Variants in USH2A observed in about 807,000 individuals in gnomAD.
USH2A encodes usherin.
In USH2A, 443 loss-of-function variants were observed where a neutral mutation model predicts 538.9. The observed-to-expected ratio is 0.82, with a 90% CI of 0.76 to 0.89. USH2A has a LOEUF of 0.89. Among genes scored for constraint, USH2A ranks in the 40% least tolerant of loss-of-function variants. The pLI is 0.00. For missense variants in USH2A, 6,633 were observed against 6,324.8 expected (o/e 1.05, Z -1.65); for synonymous variants, 2,413 against 2,273.5 (o/e 1.06, Z -1.75).
intron 21 of USH2A, among the ~76,000 whole-genome samples, chr1:216,111,983 A>G (rs1391701628): frequency 6.6e-6 from 1 of 152,052 alleles, no homozygotes; most frequent in Non-Finnish European, 1.5e-5. Flanking sequence ...TTTAATTTAA[A>G]TTATGCAAAA....
chr1:215,733,510 T>G (rs1371238566), intron 60 of USH2A, among the ~76,000 whole-genome samples: 1 of 152,232 alleles, frequency 6.6e-6, no homozygotes, highest in African/African-American at 2.4e-5. Flanking sequence ...TTTAACTGAT[T>G]ACAGCATTAA....
At chr1:216,394,830 T>A (rs2039179176) in intron 3 of USH2A, among the ~76,000 whole-genome samples, 2 of 149,804 alleles carry the variant, frequency 1.3e-5, no homozygotes, top group South Asian at 4.3e-4. Context: ...GCCATTCTCC[T>A]GCCTCAGCCT....
intron 9 of USH2A, among the ~76,000 whole-genome samples, chr1:216,321,336 T>C (rs1458390041): frequency 6.6e-6 from 1 of 152,116 alleles, no homozygotes; most frequent in Non-Finnish European, 1.5e-5. Flanking sequence ...AAATTCCACC[T>C]CAACTATGGA....
chr1:215,864,235 C>G (rs1664409735), intron 44 of USH2A, among the ~76,000 whole-genome samples: 1 of 152,094 alleles, frequency 6.6e-6, no homozygotes, highest in Non-Finnish European at 1.5e-5. Context: ...ATGCCTGAGT[C>G]CTAAGTTTGA....
intron 21 of USH2A, among the ~76,000 whole-genome samples, chr1:216,134,977 T>C (rs1395542572): frequency 6.6e-6 from 1 of 152,082 alleles, no homozygotes; most frequent in African/African-American, 2.4e-5. Flanking sequence ...AGAGTTGGAT[T>C]CTCAAACTGG....
chr1:215,799,378 G>A (rs1376730575), intron 49 of USH2A, among the ~76,000 whole-genome samples: 3 of 152,082 alleles, frequency 2.0e-5, no homozygotes, highest in African/African-American at 7.2e-5. Context: ...CATCAGGTCT[G>A]GTGACATGGA....
At chr1:216,307,278 G>A (rs766245440) in intron 9 of USH2A, among the ~76,000 whole-genome samples, 4 of 151,968 alleles carry the variant, frequency 2.6e-5, no homozygotes, top group African/African-American at 9.7e-5. Context: ...TTCTCAGGGC[G>A]ATGGAGTTAT....
At chr1:216,387,717 A>G (rs1303158792) in intron 3 of USH2A, among the ~76,000 whole-genome samples, 1 of 152,194 alleles carries the variant, frequency 6.6e-6, no homozygotes, top group Non-Finnish European at 1.5e-5. Context: ...GTTAAAATCT[A>G]TTTTATAGCA....
At position 215,743,983 on chromosome 1, in the gene USH2A, C is replaced by T. The variant is rs181579482; in HGVS notation, c.11390-648G>A. Among the ~76,000 whole-genome samples the T allele has an allele frequency of 8.5e-5, 13 of 152,196 alleles. No individual in the cohort carries two copies. In the East Asian group the frequency reaches 1.7e-3, roughly 20 times the overall value. ...CATAATATTTCTATTTAAAGATATA[C>T]TCTATTGGCAAATAAAAATGAAGGC... On this transcript the variant is annotated intron_variant, in intron 58 of 71. Coordinates refer to ENST00000307340, the MANE Select transcript of USH2A (RefSeq NM_206933.4).
intron 35 of USH2A, among the ~76,000 whole-genome samples, chr1:215,980,805 T>C (rs1657235): frequency 0.8 from 122,082 of 152,078 alleles, 49,396 homozygotes; most frequent in East Asian, 0.94. Context: ...CTCATTTTCA[T>C]TACTGTGTAG....
intron 64 of USH2A, among the ~76,000 whole-genome samples, chr1:215,665,490 A>G (rs1657578585): frequency 6.6e-6 from 1 of 152,172 alleles, no homozygotes; most frequent in African/African-American, 2.4e-5. Context: ...GGCGGGCCCT[A>G]TCAAATCCGT....
intron 4 of USH2A, among the ~76,000 whole-genome samples, chr1:216,337,674 C>T (rs930037215): frequency 1.3e-5 from 2 of 150,976 alleles, no homozygotes; most frequent in Non-Finnish European, 3.0e-5. Context: ...ATGTCTAGAC[C>T]TCACAATCAG....
intron 8 of USH2A, 29 bp downstream of exon 8, chr1:216,323,445 C>A (rs1417547296): frequency 6.2e-7 from 1 of 1,610,198 alleles, no homozygotes; most frequent in Admixed American, 1.7e-5. Flanking sequence ...TGACAAAAAC[C>A]TTGTTGAAAA....
intron 70 of USH2A, among the ~76,000 whole-genome samples, chr1:215,631,282 A>C (rs1464291633): frequency 2.0e-5 from 3 of 151,460 alleles, no homozygotes; most frequent in Admixed American, 2.0e-4. Context: ...TCATTGACCT[A>C]CTCAAGTGAA....
At chr1:215,810,041 AC>A (rs1273659872) in intron 49 of USH2A, among the ~76,000 whole-genome samples, 1 of 152,106 alleles carries the variant, frequency 6.6e-6, no homozygotes, top group African/African-American at 2.4e-5. Context: ...TTGGAGCAAA[AC>A]ACTCTTTGAT....
intron 11 of USH2A, among the ~76,000 whole-genome samples, chr1:216,259,155 A>C (rs374840283): frequency 5.3e-5 from 8 of 152,192 alleles, no homozygotes; most frequent in African/African-American, 1.7e-4. Flanking sequence ...CTTTCTTACA[A>C]ACTCCAAAAC....
chr1:216,034,821 C>A (rs959676337), intron 32 of USH2A, among the ~76,000 whole-genome samples: 1 of 152,164 alleles, frequency 6.6e-6, no homozygotes, highest in African/African-American at 2.4e-5. Flanking sequence ...ACCTTCATTT[C>A]AAACTTCTAG....
intron 41 of USH2A, among the ~76,000 whole-genome samples, chr1:215,883,867 A>G (rs1001998580): frequency 1.3e-5 from 2 of 152,184 alleles, no homozygotes; most frequent in Admixed American, 1.3e-4. Flanking sequence ...AATATTTTCA[A>G]TCATTTAGTC....
intron 58 of USH2A, among the ~76,000 whole-genome samples, chr1:215,748,017 G>T (rs1486139777): frequency 6.6e-6 from 1 of 151,488 alleles, no homozygotes; most frequent in Admixed American, 6.6e-5. Flanking sequence ...TCAGCCTCCC[G>T]AGTAGCTGGG....
Sources: allele counts gnomAD v4.1 joint callset (sites outside exome capture counted in the v4.1 genomes callset), GRCh38; gene constraint gnomAD v4.1.1; transcripts MANE v1.5; gene names NCBI Gene and HGNC (gene_info 2026-07-23, HGNC 2026-07-21).